The following INPP5A variants were observed in gnomAD, a reference collection of about 807,000 sequenced individuals.
INPP5A encodes the protein inositol polyphosphate-5-phosphatase A, also known as 43 kDa inositol polyphosphate 5-phophatase.
In INPP5A, 14 loss-of-function variants were observed where a neutral mutation model predicts 65.2. The ratio of observed to expected loss-of-function variants is 0.21; its 90% confidence interval spans 0.14 to 0.34. INPP5A has a LOEUF of 0.34. INPP5A is among the 10% of genes least tolerant of loss of function. The pLI is 1.00. For synonymous variants in INPP5A, 207 were observed against 208.3 expected (o/e 0.99, Z 0.05); for missense variants, 431 against 545.6 (o/e 0.79, Z 2.09).
intron 9 of INPP5A, among the ~76,000 whole-genome samples, chr10:132,744,460 G>T (rs1354403014): frequency 6.6e-6 from 1 of 152,224 alleles, no homozygotes; most frequent in Non-Finnish European, 1.5e-5. Context: ...TATGGAATCG[G>T]TGTCAGCGGA....
chr10:132,722,131 G>A (rs1845896159), intron 8 of INPP5A, among the ~76,000 whole-genome samples: 1 of 152,128 alleles, frequency 6.6e-6, no homozygotes, highest in Non-Finnish European at 1.5e-5. Context: ...TACTGTCGAT[G>A]TTTTTGCTTA....
intron 5 of INPP5A, among the ~76,000 whole-genome samples, chr10:132,690,842 G>A (rs770088035): frequency 1.3e-5 from 2 of 152,214 alleles, no homozygotes; most frequent in Non-Finnish European, 2.9e-5. Flanking sequence ...GTCATGTGCT[G>A]TGTGTCTTCA....
At chr10:132,688,591 A>T (rs1364850633) in intron 4 of INPP5A, among the ~76,000 whole-genome samples, 1 of 152,192 alleles carries the variant, frequency 6.6e-6, no homozygotes, top group Admixed American at 6.5e-5. Flanking sequence ...GCAAGAGTGC[A>T]TGAGTGCGTG....
intron 4 of INPP5A, among the ~76,000 whole-genome samples, chr10:132,679,875 C>T (rs919079686): frequency 1.3e-5 from 2 of 152,218 alleles, no homozygotes; most frequent in African/African-American, 4.8e-5. Context: ...TGGGAGAGGA[C>T]AGCCTCCAGC....
Position 132,651,030 on chromosome 10 carries a change from C to T in INPP5A, c.306+525C>T, listed in dbSNP as rs2072569845. On this transcript the variant is annotated intron_variant, in intron 4 of 15. Coordinates refer to ENST00000368594, the MANE Select transcript of INPP5A (RefSeq NM_005539.5). The surrounding 1 kb of genome is among the most constrained non-coding windows in gnomAD (Gnocchi z 5.0). ...TCCACAGGGCTGGGAAAGACCTGTCCCTCCTCTGCGGTCCTCTGTCAGGTG... is the reference window on the plus strand; with the variant it reads ...TCCACAGGGCTGGGAAAGACCTGTCTCTCCTCTGCGGTCCTCTGTCAGGTG... 1.3e-5 allele frequency among the ~76,000 whole-genome samples: 2 copies of T among 152,146 alleles called. No individual in the cohort carries two copies. The highest frequency in any genetic ancestry group is 6.5e-5 in the Admixed American group (1 of 15,280).
chr10:132,640,140 A>G (rs1215741064), intron 2 of INPP5A, among the ~76,000 whole-genome samples: 3 of 152,172 alleles, frequency 2.0e-5, no homozygotes, highest in Non-Finnish European at 4.4e-5. Flanking sequence ...TGTCCTGGTC[A>G]TTGTGGATGC....
In INPP5A at chr10:132,643,491, C is replaced by T. The variant is rs544842883; in HGVS notation, c.118-2377C>T. Among the ~76,000 whole-genome samples the T allele has an allele frequency of 2.0e-5, 3 of 152,036 alleles. No homozygotes were observed. In the South Asian group the frequency reaches 6.3e-4, roughly 32 times the overall value. On this transcript the variant is annotated intron_variant, in intron 2 of 15. Transcript: ENST00000368594. Reference sequence around the variant, plus strand: ...CTCCAGCCTGGGCAACAGAGTGAGACCCTGTCTCAAATGAAATTAAATGAA... The same window carrying T: ...CTCCAGCCTGGGCAACAGAGTGAGATCCTGTCTCAAATGAAATTAAATGAA...
chr10:132,710,268 T>G, intron 7 of INPP5A, 69 bp from the exon 8 acceptor site: 2 of 1,567,868 alleles, frequency 1.3e-6, no homozygotes, highest in Non-Finnish European at 1.7e-6. Flanking sequence ...CGGGGACTCC[T>G]TGGGAGAACG....
At chr10:132,679,826 C>A (rs2073019029) in intron 4 of INPP5A, among the ~76,000 whole-genome samples, 1 of 152,204 alleles carries the variant, frequency 6.6e-6, no homozygotes. Context: ...CCTGCCTGGG[C>A]AGCCAGGTGG....
chr10:132,731,529 G>T (rs1223317450), intron 9 of INPP5A, among the ~76,000 whole-genome samples: 5 of 152,172 alleles, frequency 3.3e-5, no homozygotes, highest in African/African-American at 1.2e-4. Context: ...CCGCACCCCT[G>T]CCTCGTATCA....
chr10:132,738,028 C>T (rs372704968), intron 9 of INPP5A, among the ~76,000 whole-genome samples: 54 of 152,138 alleles, frequency 3.5e-4, no homozygotes, highest in African/African-American at 1.2e-4. Context: ...AAACAAAAGA[C>T]GCTTGGCATT....
At chr10:132,687,914 TAGG>T (rs1293996198) in intron 4 of INPP5A, among the ~76,000 whole-genome samples, 2 of 152,242 alleles carry the variant, frequency 1.3e-5, no homozygotes, top group African/African-American at 4.8e-5. Flanking sequence ...CCTCTCTTTT[TAGG>T]AGTTTAAATG....
At chr10:132,620,018 G>T (rs1443735711) in intron 2 of INPP5A, among the ~76,000 whole-genome samples, 1 of 152,194 alleles carries the variant, frequency 6.6e-6, no homozygotes, top group Non-Finnish European at 1.5e-5. Flanking sequence ...ATGGCAGCCT[G>T]GGCTGTGTCT....
rs78839138 is a variant in INPP5A, at chr10:132,546,233, C to T, written c.75+8062C>T. Among the ~76,000 whole-genome samples the T allele has an allele frequency of 0.018, 2,728 of 152,324 alleles. 34 individuals carry two copies. Among genetic ancestry groups the T allele is most frequent in the South Asian group, 0.038 (185 of 4,834 alleles). On this transcript the variant is annotated intron_variant, in intron 1 of 15. Coordinates refer to ENST00000368594, the MANE Select transcript of INPP5A (RefSeq NM_005539.5). The surrounding 1 kb of genome is among the most constrained non-coding windows in gnomAD (Gnocchi z 5.7). The stretch of plus-strand genomic sequence containing the variant: ...GTCTAGGGTGATGGCGCTCCCAGCC[C>T]GCGGGGGTCTTGGCGTTGGCGCAGA...
intron 2 of INPP5A, among the ~76,000 whole-genome samples, chr10:132,635,386 ATTTTTTTTTTT>A (rs775271931): frequency 1.7e-4 from 9 of 54,518 alleles, no homozygotes; most frequent in Admixed American, 3.4e-4. Context: ...CTTTTTAAAG[ATTTTTTTTTTT>A]TTTTTTTTTT....
At chr10:132,560,354 A>AGCAGCT (rs1172606348) in intron 1 of INPP5A, among the ~76,000 whole-genome samples, 12 of 152,218 alleles carry the variant, frequency 7.9e-5, no homozygotes, top group Non-Finnish European at 1.3e-4. Flanking sequence ...CTCTTTCCAC[A>AGCAGCT]GCAGCTGCAG....
At chr10:132,595,373 G>A (rs1018451974) in intron 1 of INPP5A, among the ~76,000 whole-genome samples, 1 of 152,246 alleles carries the variant, frequency 6.6e-6, no homozygotes, top group African/African-American at 2.4e-5. Context: ...CCATGTCTAT[G>A]TGCTCATTGT....
At chr10:132,673,195 A>G (rs1014520745) in intron 4 of INPP5A, among the ~76,000 whole-genome samples, 1 of 152,178 alleles carries the variant, frequency 6.6e-6, no homozygotes, top group Non-Finnish European at 1.5e-5. Flanking sequence ...TCCAGGTGAC[A>G]ATCTTAACTT....
At chr10:132,714,444 A>G (rs1252248964) in intron 8 of INPP5A, among the ~76,000 whole-genome samples, 1 of 152,040 alleles carries the variant, frequency 6.6e-6, no homozygotes, top group African/African-American at 2.4e-5. Flanking sequence ...GCTGCCACCA[A>G]CGGGGCCCCA....
Sources: gnomAD v4.1 joint callset for allele counts (sites outside exome capture counted in the v4.1 genomes callset) on GRCh38, gnomAD v4.1.1 for gene constraint, Gnocchi (gnomAD v3.1) non-coding constraint, MANE v1.5 for transcripts, NCBI Gene and HGNC (gene_info 2026-07-23, HGNC 2026-07-21) for gene names.